The following STRBP variants were observed in gnomAD, a reference collection of about 807,000 sequenced individuals.
STRBP encodes the protein spermatid perinuclear RNA binding protein.
In STRBP, 13 loss-of-function variants were observed where a neutral mutation model predicts 80.1. That is an observed-to-expected ratio of 0.16 (90% CI 0.11 to 0.26). The LOEUF (loss-of-function observed/expected upper bound fraction) is 0.26. Among genes scored for constraint, STRBP ranks in the 10% least tolerant of loss-of-function variants. The pLI is 1.00. For synonymous variants in STRBP, 284 were observed against 291.2 expected, an observed-to-expected ratio of 0.98 and a Z score of 0.25; for missense variants, 485 against 815.2, an observed-to-expected ratio of 0.59 and a Z score of 4.93.
chr9:123,170,343 C>T (rs979582187), intron 5 of STRBP, among the ~76,000 whole-genome samples: 2 of 152,160 alleles, frequency 1.3e-5, no homozygotes, highest in African/African-American at 4.8e-5. Context: ...CCAATAGCAT[C>T]AGTATGTGAT....
chr9:123,244,407 A>T (rs2040758949), intron 1 of STRBP, among the ~76,000 whole-genome samples: 1 of 152,186 alleles, frequency 6.6e-6, no homozygotes, highest in South Asian at 2.1e-4. Flanking sequence ...TGTTGTCAAA[A>T]CCCACAGACC....
At chr9:123,173,868 C>T (rs1256060017) in intron 4 of STRBP, 26 bp from the exon 5 acceptor site, 12 of 1,572,436 alleles carry the variant, frequency 7.6e-6, no homozygotes, top group Non-Finnish European at 1.0e-5. Context: ...TGCATGATTA[C>T]TTTCACAACC....
chr9:123,126,022 T>C lies in STRBP; in HGVS notation c.1943-349A>G, dbSNP rs1454158619. Among the ~76,000 whole-genome samples the C allele has an allele frequency of 6.6e-6, 1 of 152,242 alleles. No individual in the cohort carries two copies. Among genetic ancestry groups the C allele is most frequent in the African/African-American group, 2.4e-5 (1 of 41,470 alleles). On this transcript the variant is annotated intron_variant, in intron 18 of 18. Coordinates refer to ENST00000348403, the MANE Select transcript of STRBP (RefSeq NM_018387.5). The surrounding 1 kb of genome is among the most constrained non-coding windows in gnomAD (Gnocchi z 4.4). ...TTGGTTCTCAATGTGGCATATCACA[T>C]ATTCCAGGAGAAACGGGTTGTCAAG...
At chr9:123,207,850 G>A (rs2039576411) in intron 2 of STRBP, among the ~76,000 whole-genome samples, 1 of 152,112 alleles carries the variant, frequency 6.6e-6, no homozygotes, top group Non-Finnish European at 1.5e-5. Context: ...GAATATGAGA[G>A]AGATATTTGT....
At chr9:123,166,788 C>A (rs865968699) in intron 6 of STRBP, among the ~76,000 whole-genome samples, 7 of 94,518 alleles carry the variant, frequency 7.4e-5, no homozygotes, top group Non-Finnish European at 1.3e-4. Context: ...ACAACAACAA[C>A]AACAAAAAAA....
At chr9:123,228,469 G>A (rs560687558) in intron 2 of STRBP, among the ~76,000 whole-genome samples, 9 of 152,304 alleles carry the variant, frequency 5.9e-5, no homozygotes, top group Admixed American at 2.6e-4. Context: ...GTGGGGTTGG[G>A]GGACAGGGGG....
At chr9:123,219,632 C>T (rs908848957) in intron 2 of STRBP, among the ~76,000 whole-genome samples, 3 of 152,274 alleles carry the variant, frequency 2.0e-5, no homozygotes, top group South Asian at 2.1e-4. Context: ...AATTGATGAA[C>T]GTGTACTTTT....
At chr9:123,200,762 T>TTTTTTTTTTTTTTTTA (rs1554762956) in intron 2 of STRBP, among the ~76,000 whole-genome samples, 3 of 133,484 alleles carry the variant, frequency 2.2e-5, no homozygotes, top group African/African-American at 8.8e-5. Context: ...TTTTTTTTTT[T>TTTTTTTTTTTTTTTTA]AGTAGAGACC....
chr9:123,170,312 C>T (rs896183739), intron 5 of STRBP, among the ~76,000 whole-genome samples: 1 of 152,124 alleles, frequency 6.6e-6, no homozygotes, highest in Admixed American at 6.5e-5. Context: ...TAAAACCATT[C>T]TAATATTTGA....
intron 6 of STRBP, among the ~76,000 whole-genome samples, chr9:123,163,721 T>C (rs2037626357): frequency 6.6e-6 from 1 of 152,240 alleles, no homozygotes; most frequent in Non-Finnish European, 1.5e-5. Flanking sequence ...CAGTTTTATG[T>C]ATGTTTTCAT....
At chr9:123,170,591 A>G (rs1032431821) in intron 5 of STRBP, among the ~76,000 whole-genome samples, 2 of 152,172 alleles carry the variant, frequency 1.3e-5, no homozygotes, top group African/African-American at 4.8e-5. Context: ...GTATAAACAA[A>G]TAACTTCTTC....
chr9:123,235,343 T>C (rs79727258), intron 2 of STRBP, among the ~76,000 whole-genome samples: 3,088 of 151,140 alleles, frequency 0.02, 110 homozygotes, highest in African/African-American at 0.071. Context: ...GTTAAAATAA[T>C]GGATTACAGA....
At chr9:123,171,872 G>A (rs889612677) in intron 5 of STRBP, among the ~76,000 whole-genome samples, 2 of 152,066 alleles carry the variant, frequency 1.3e-5, no homozygotes, top group African/African-American at 4.8e-5. Context: ...GAGATGGTTT[G>A]TATACCCTGT....
chr9:123,167,623 A>G (rs958866031), intron 6 of STRBP, among the ~76,000 whole-genome samples: 4 of 152,092 alleles, frequency 2.6e-5, no homozygotes, highest in Admixed American at 2.6e-4. Context: ...GTTAAGGACA[A>G]CAGCAAAGCA....
intron 11 of STRBP, among the ~76,000 whole-genome samples, chr9:123,151,971 T>C (rs981527068): frequency 5.9e-5 from 9 of 152,098 alleles, no homozygotes; most frequent in African/African-American, 2.2e-4. Context: ...GTACAAAATG[T>C]ATAAAAGAGG....
At chr9:123,147,949 G>A (rs2036889843) in intron 11 of STRBP, 79 bp from the exon 12 acceptor site, 2 of 1,203,062 alleles carry the variant, frequency 1.7e-6, no homozygotes, top group African/African-American at 3.0e-5. Context: ...AACATGTTCA[G>A]GTAGGAAAAT....
intron 5 of STRBP, among the ~76,000 whole-genome samples, chr9:123,171,454 C>G (rs2038006536): frequency 6.6e-6 from 1 of 152,112 alleles, no homozygotes; most frequent in Non-Finnish European, 1.5e-5. Context: ...TGGTTTTCCA[C>G]ACAAACACCA....
intron 2 of STRBP, among the ~76,000 whole-genome samples, chr9:123,191,016 C>T (rs1316632449): frequency 1.3e-5 from 2 of 152,176 alleles, no homozygotes; most frequent in African/African-American, 2.4e-5. Context: ...TGGCTACCAA[C>T]AGTGAACAAA....
chr9:123,114,978 T>C (rs139202069), intron 3 of STRBP: 108 of 354,334 alleles, frequency 3.0e-4, no homozygotes, highest in African/African-American at 2.1e-3. Flanking sequence ...GGCAACAGCC[T>C]CTTGCTCATC....
Sources: gnomAD v4.1 joint callset for allele counts (sites outside exome capture counted in the v4.1 genomes callset) on GRCh38, gnomAD v4.1.1 for gene constraint, Gnocchi (gnomAD v3.1) non-coding constraint, MANE v1.5 for transcripts, NCBI Gene and HGNC (gene_info 2026-07-23, HGNC 2026-07-21) for gene names.